The following SLX4IP variants were observed in gnomAD, a reference collection of about 807,000 sequenced individuals.
SLX4IP encodes SLX4 interacting protein.
SLX4IP carries 34 observed loss-of-function variants against 32.9 expected under a neutral mutation model. That is an observed-to-expected ratio of 1.03 (90% confidence interval 0.79 to 1.38). SLX4IP has a LOEUF of 1.38. Among genes scored for constraint, SLX4IP ranks in the 40% most tolerant of loss-of-function variants. SLX4IP has a pLI of 0.00. For missense variants in SLX4IP, 444 were observed against 479.0 expected (o/e 0.93, Z 0.68); for synonymous variants, 172 against 171.7 (o/e 1.00, Z -0.01).
At chr20:10,560,373 A>T (rs1286008392) in intron 3 of SLX4IP, among the ~76,000 whole-genome samples, 2 of 152,230 alleles carry the variant, frequency 1.3e-5, no homozygotes, top group African/African-American at 4.8e-5. Flanking sequence ...ATATGAAAGC[A>T]TTCTTTACCA....
intron 4 of SLX4IP, among the ~76,000 whole-genome samples, chr20:10,561,490 T>C (rs934584181): frequency 6.6e-6 from 1 of 152,042 alleles, no homozygotes; most frequent in Non-Finnish European, 1.5e-5. Flanking sequence ...TATTTTCTTA[T>C]TTTCTGATTA....
intron 2 of SLX4IP, 151 bp from the exon 3 acceptor site, chr20:10,556,080 G>A: frequency 1.6e-6 from 1 of 610,526 alleles, no homozygotes; most frequent in South Asian, 2.3e-5. Flanking sequence ...ATTATGACCT[G>A]TAACCATGTT....
At chr20:10,614,025 A>G in intron 6 of SLX4IP, 1 of 1,387,450 alleles carries the variant, frequency 7.2e-7, no homozygotes, top group Non-Finnish European at 1.0e-6. Context: ...AATGGAATAG[A>G]CTTTTTCCAG....
At chr20:10,612,631 C>T (rs528598158) in intron 6 of SLX4IP, among the ~76,000 whole-genome samples, 6 of 152,122 alleles carry the variant, frequency 3.9e-5, no homozygotes, top group African/African-American at 9.7e-5. Context: ...CCTCAACCTC[C>T]GTCTCCCAGG....
At chr20:10,558,203 G>A (rs1264818954) in intron 3 of SLX4IP, among the ~76,000 whole-genome samples, 1 of 151,994 alleles carries the variant, frequency 6.6e-6, no homozygotes. Flanking sequence ...AGCCAGATGT[G>A]GTGGCTTGTG....
intron 4 of SLX4IP, among the ~76,000 whole-genome samples, chr20:10,587,496 A>G (rs2066659381): frequency 6.6e-6 from 1 of 152,164 alleles, no homozygotes; most frequent in Non-Finnish European, 1.5e-5. Context: ...AAAAAAATAT[A>G]CAGGTGAAAA....
At chr20:10,578,643 T>C (rs1030519460) in intron 4 of SLX4IP, among the ~76,000 whole-genome samples, 5 of 152,232 alleles carry the variant, frequency 3.3e-5, no homozygotes, top group African/African-American at 1.2e-4. Context: ...GTTTAACATA[T>C]TGACGAACTT....
chr20:10,551,457 G>A (rs983366142), intron 2 of SLX4IP, among the ~76,000 whole-genome samples: 1 of 152,110 alleles, frequency 6.6e-6, no homozygotes, highest in African/African-American at 2.4e-5. Context: ...CCCAATTCTT[G>A]GGGCTAACTT....
In SLX4IP at chr20:10,626,740, G is replaced by A. The variant is rs2067177312; in HGVS notation, c.*3361G>A. On this transcript the variant is annotated 3_prime_UTR_variant, in exon 8 of 8. Coordinates refer to ENST00000334534, the MANE Select transcript of SLX4IP (RefSeq NM_001009608.3). The stretch of plus-strand genomic sequence containing the variant: ...GTGAAATGCAAAGAAGCAAACATTT[G>A]GGGGTAGGGGAGTAAGTGCTGTAGT... The A allele has an allele frequency of 6.6e-6, 1 of 152,172 alleles. No homozygotes were observed. Among genetic ancestry groups the A allele is most frequent in the Admixed American group, 6.5e-5 (1 of 15,280 alleles). 9.4% of individuals were successfully genotyped at this position (152,172 alleles called of 1,614,324 possible).
chr20:10,518,669 G>C (rs779444738), intron 2 of SLX4IP, among the ~76,000 whole-genome samples: 2 of 151,914 alleles, frequency 1.3e-5, no homozygotes, highest in African/African-American at 4.8e-5. Context: ...CAGGGCTCAA[G>C]TGATCCTGCC....
At chr20:10,594,914 G>A (rs2066751937) in intron 4 of SLX4IP, among the ~76,000 whole-genome samples, 2 of 152,094 alleles carry the variant, frequency 1.3e-5, no homozygotes, top group Admixed American at 1.3e-4. Context: ...TTTTTTTAAA[G>A]AGACTCAATA....
At chr20:10,447,908 T>G (rs1388770292) in intron 1 of SLX4IP, among the ~76,000 whole-genome samples, 1 of 151,026 alleles carries the variant, frequency 6.6e-6, no homozygotes, top group Non-Finnish European at 1.5e-5. Context: ...TCTCACTTTG[T>G]TGCCTAGGCT....
intron 4 of SLX4IP, among the ~76,000 whole-genome samples, chr20:10,572,474 A>G (rs2066477256): frequency 6.6e-6 from 1 of 152,132 alleles, no homozygotes; most frequent in Non-Finnish European, 1.5e-5. Flanking sequence ...GAAAGGGAGA[A>G]ATAGACCCCC....
intron 2 of SLX4IP, among the ~76,000 whole-genome samples, chr20:10,509,172 G>C (rs1228380275): frequency 6.6e-6 from 1 of 152,162 alleles, no homozygotes; most frequent in Non-Finnish European, 1.5e-5. Context: ...TAACTGCCAT[G>C]GTAGTTGGCA....
intron 5 of SLX4IP, among the ~76,000 whole-genome samples, chr20:10,600,824 T>C (rs1197106242): frequency 6.6e-6 from 1 of 152,166 alleles, no homozygotes; most frequent in Non-Finnish European, 1.5e-5. Flanking sequence ...ATCAGACATG[T>C]ATATCATAAA....
chr20:10,587,871 G>A (rs1470991473), intron 4 of SLX4IP, among the ~76,000 whole-genome samples: 1 of 152,062 alleles, frequency 6.6e-6, no homozygotes, highest in Non-Finnish European at 1.5e-5. Context: ...TTAAATGTGA[G>A]ACCTGAAACC....
intron 4 of SLX4IP, among the ~76,000 whole-genome samples, chr20:10,577,858 A>G (rs975568876): frequency 2.6e-5 from 4 of 152,248 alleles, no homozygotes; most frequent in African/African-American, 9.6e-5. Flanking sequence ...ATCAGTCAAA[A>G]TGATGAGAAA....
intron 2 of SLX4IP, among the ~76,000 whole-genome samples, chr20:10,506,531 G>A (rs2090939239): frequency 6.6e-6 from 1 of 152,188 alleles, no homozygotes; most frequent in Non-Finnish European, 1.5e-5. Flanking sequence ...TGGCTCTCTT[G>A]AAGAGAAACA....
At chr20:10,482,546 T>TATAC (rs1253841623) in intron 2 of SLX4IP, among the ~76,000 whole-genome samples, 1 of 152,096 alleles carries the variant, frequency 6.6e-6, no homozygotes, top group Non-Finnish European at 1.5e-5. Context: ...GTGAGGTGGT[T>TATAC]ATACACTAGA....
Sources: gnomAD v4.1 joint callset for allele counts (sites outside exome capture counted in the v4.1 genomes callset) on GRCh38, gnomAD v4.1.1 for gene constraint, MANE v1.5 for transcripts, NCBI Gene and HGNC (gene_info 2026-07-23, HGNC 2026-07-21) for gene names.